The following NHSL1 variants were observed in gnomAD, a reference collection of about 807,000 sequenced individuals.
NHSL1 encodes NHS like 1, also known as NHS-like protein 1.
Under a neutral mutation model 95.0 loss-of-function variants are expected in NHSL1, and 48 were observed. The observed-to-expected ratio is 0.51, with a 90% CI of 0.40 to 0.64. NHSL1 has a LOEUF of 0.64. Ranked by LOEUF, NHSL1 falls within the 30% of genes least tolerant of loss-of-function variation. The pLI is 0.00. For synonymous variants in NHSL1, 783 were observed against 833.9 expected (o/e 0.94, Z 1.05); for missense variants, 1,971 against 2,077.7 (o/e 0.95, Z 1.00).
chr6:138,493,356 T>A (rs898205500), intron 2 of NHSL1, among the ~76,000 whole-genome samples: 2 of 152,238 alleles, frequency 1.3e-5, no homozygotes, highest in African/African-American at 4.8e-5. Flanking sequence ...AAAATTCAAG[T>A]TTAGGCAAAA....
chr6:138,624,271 G>C (rs769556373), intron 1 of NHSL1, among the ~76,000 whole-genome samples: 15 of 152,152 alleles, frequency 9.9e-5, no homozygotes, highest in Non-Finnish European at 2.1e-4. Flanking sequence ...GTCTAGGGTG[G>C]TGCCTGAGCC....
chr6:138,663,874 G>GA (rs1273517702), intron 1 of NHSL1, among the ~76,000 whole-genome samples: 6 of 150,564 alleles, frequency 4.0e-5, no homozygotes, highest in East Asian at 1.9e-4. Context: ...CTATCTCAAA[G>GA]AAAAAAAATC....
rs1389228008 is a variant in NHSL1, at chr6:138,437,436, AC to A, written c.665-3757del. ...TATACACACACACACACACACACAC[AC>A]ACACACACAAAAAAAAAAAAAAAAA... On this transcript the variant is annotated intron_variant, in intron 5 of 7. Coordinates refer to ENST00000343505, the MANE Select transcript of NHSL1 (RefSeq NM_001144060.2). Among the ~76,000 whole-genome samples, 216 of 38,142 alleles carry A rather than the reference AC, an allele frequency of 5.7e-3. 19 individuals are homozygous for A. The highest frequency in any genetic ancestry group is 0.018 in the African/African-American group (165 of 9,238). 25.0% of individuals were successfully genotyped at this position (38,142 alleles called of 152,430 possible). A position where few individuals can be genotyped will look rare whatever the true frequency, so the allele number is the denominator to read the frequency against.
chr6:138,637,713 A>C (rs1437145492), intron 1 of NHSL1, among the ~76,000 whole-genome samples: 1 of 152,212 alleles, frequency 6.6e-6, no homozygotes, highest in African/African-American at 2.4e-5. Flanking sequence ...CTTATTTCCA[A>C]AAGACAGGCA....
At chr6:138,645,486 G>C (rs895963951) in intron 1 of NHSL1, among the ~76,000 whole-genome samples, 2 of 149,620 alleles carry the variant, frequency 1.3e-5, no homozygotes, top group African/African-American at 4.9e-5. Flanking sequence ...TTGACTTTTT[G>C]TTATTGTAGT....
chr6:138,614,683 G>A (rs1784555421), intron 1 of NHSL1, among the ~76,000 whole-genome samples: 1 of 152,156 alleles, frequency 6.6e-6, no homozygotes. Context: ...ACCAGTACCA[G>A]TCTGGTGTGT....
intron 3 of NHSL1, among the ~76,000 whole-genome samples, chr6:138,449,350 T>C (rs2128222483): frequency 6.6e-6 from 1 of 152,182 alleles, no homozygotes; most frequent in East Asian, 1.9e-4. Context: ...CCCAATAAGA[T>C]GATAAATGTT....
At chr6:138,636,054 C>G (rs1040553388) in intron 1 of NHSL1, among the ~76,000 whole-genome samples, 1 of 145,616 alleles carries the variant, frequency 6.9e-6, no homozygotes, top group Non-Finnish European at 1.5e-5. Context: ...ACCCAGGAGG[C>G]GAAGGTTGCA....
At chr6:138,674,462 T>C (rs375452030) in intron 1 of NHSL1, among the ~76,000 whole-genome samples, 4 of 152,230 alleles carry the variant, frequency 2.6e-5, no homozygotes, top group East Asian at 1.9e-4. Context: ...TCCTAATGCT[T>C]TCCCCTAGCC....
At chr6:138,544,983 CTTTTTTTTTTTT>C (rs35979187) in intron 1 of NHSL1, among the ~76,000 whole-genome samples, 1 of 83,466 alleles carries the variant, frequency 1.2e-5, no homozygotes, top group South Asian at 5.3e-4. Flanking sequence ...TCTTTCTTTT[CTTTTTTTTTTTT>C]TTTTTTTTTT....
intron 1 of NHSL1, among the ~76,000 whole-genome samples, chr6:138,557,921 G>A (rs1360668776): frequency 6.6e-6 from 1 of 152,168 alleles, no homozygotes; most frequent in Non-Finnish European, 1.5e-5. Context: ...CAGGCTCTGG[G>A]TGTAGACTAT....
intron 1 of NHSL1, among the ~76,000 whole-genome samples, chr6:138,680,330 T>C (rs1370303121): frequency 6.6e-6 from 1 of 152,152 alleles, no homozygotes; most frequent in African/African-American, 2.4e-5. Context: ...CAGCACCACC[T>C]AGTACACCGC....
At chr6:138,673,301 G>A (rs187926501) in intron 1 of NHSL1, among the ~76,000 whole-genome samples, 94 of 151,232 alleles carry the variant, frequency 6.2e-4, no homozygotes, top group South Asian at 1.9e-3. Context: ...GGGGGTGAGG[G>A]GGCAGTATTT....
At chr6:138,666,329 G>A (rs902338331) in intron 1 of NHSL1, among the ~76,000 whole-genome samples, 14 of 149,458 alleles carry the variant, frequency 9.4e-5, no homozygotes, top group African/African-American at 3.0e-4. Context: ...GGCCAGGCGC[G>A]GTGGCTCCCG....
At chr6:138,444,218 C>T (rs1350495948) in intron 4 of NHSL1, among the ~76,000 whole-genome samples, 1 of 151,760 alleles carries the variant, frequency 6.6e-6, no homozygotes. Context: ...TACTCTGGCT[C>T]TGGAGGCTGC....
chr6:138,437,441 CACACAAAAAAAAAAAAAA>C (rs1454049572), intron 5 of NHSL1, among the ~76,000 whole-genome samples: 1,001 of 35,474 alleles, frequency 0.028, 49 homozygotes, highest in African/African-American at 0.1. Context: ...CACACACACA[CACACAAAAAAAAAAAAAA>C]AAAATACAAT....
At chr6:138,624,385 G>A (rs1302216590) in intron 1 of NHSL1, among the ~76,000 whole-genome samples, 1 of 152,156 alleles carries the variant, frequency 6.6e-6, no homozygotes, top group Non-Finnish European at 1.5e-5. Flanking sequence ...AGAAGGGAAG[G>A]AGGGCAAATG....
At chr6:138,508,276 C>T (rs754027228) in intron 1 of NHSL1, among the ~76,000 whole-genome samples, 9 of 152,168 alleles carry the variant, frequency 5.9e-5, no homozygotes, top group Non-Finnish European at 8.8e-5. Flanking sequence ...GCTGCAAAGT[C>T]GCTCTAGTGC....
Position 138,435,931 on chromosome 6 carries a change from A to G in NHSL1, c.665-2251T>C, listed in dbSNP as rs4895525. ...AGTGATCTTTGATATTACTATTGTAATTGTTTTGGGGGTGCCACAAATCAC... is the reference window on the plus strand; with the variant it reads ...AGTGATCTTTGATATTACTATTGTAGTTGTTTTGGGGGTGCCACAAATCAC... On this transcript the variant is annotated intron_variant, in intron 5 of 7. Coordinates refer to ENST00000343505, the MANE Select transcript of NHSL1 (RefSeq NM_001144060.2). Among the ~76,000 whole-genome samples, 416 of 152,120 alleles carry G rather than the reference A, an allele frequency of 2.7e-3. 6 individuals are homozygous for G. Among genetic ancestry groups the G allele is most frequent in the Admixed American group, 0.02 (298 of 15,270 alleles).
Sources: allele counts gnomAD v4.1 joint callset (sites outside exome capture counted in the v4.1 genomes callset), GRCh38; gene constraint gnomAD v4.1.1; transcripts MANE v1.5; gene names NCBI Gene and HGNC (gene_info 2026-07-23, HGNC 2026-07-21).